Variants in PDE1A observed in about 807,000 individuals in gnomAD.
PDE1A encodes phosphodiesterase 1A, also known as dual specificity calcium/calmodulin-dependent 3',5'-cyclic nucleotide phosphodiesterase 1A.
A neutral mutation model predicts 61.7 loss-of-function variants in PDE1A; 35 were observed. The observed-to-expected ratio is 0.57, with a 90% CI of 0.43 to 0.75. The LOEUF is 0.75. Among genes scored for constraint, PDE1A ranks in the 30% least tolerant of loss-of-function variants. The pLI, the probability that PDE1A is intolerant of heterozygous loss-of-function variation, is 0.00. For synonymous variants in PDE1A, 232 were observed against 213.2 expected (o/e 1.09, Z -0.77); for missense variants, 597 against 630.6 (o/e 0.95, Z 0.57).
At chr2:182,676,457 A>G in the PDE1A span, among the ~76,000 whole-genome samples, 1 of 151,884 alleles carries the variant, frequency 6.6e-6, no homozygotes, top group Non-Finnish European at 1.5e-5. Flanking sequence ...GGCCAGTACC[A>G]GATGGATTCA....
At chr2:182,404,784 C>T (rs1254607047) in intron 1 of PDE1A, among the ~76,000 whole-genome samples, 2 of 152,274 alleles carry the variant, frequency 1.3e-5, no homozygotes, top group Admixed American at 6.5e-5. Flanking sequence ...GGCAATACCA[C>T]GCATGGAGCT....
At chr2:182,585,351 T>G in the PDE1A span, among the ~76,000 whole-genome samples, 3 of 152,240 alleles carry the variant, frequency 2.0e-5, no homozygotes, top group Admixed American at 2.0e-4. Context: ...TGGGAAATTT[T>G]TATTCTTCAA....
chr2:182,208,842 T>G (rs1687338266), intron 7 of PDE1A, among the ~76,000 whole-genome samples: 2 of 152,194 alleles, frequency 1.3e-5, no homozygotes. Context: ...ATTTCTCCCT[T>G]TCGGAATAGG....
At chr2:182,454,836 A>T (rs1035868249) in intron 2 of PDE1A, among the ~76,000 whole-genome samples, 8 of 151,338 alleles carry the variant, frequency 5.3e-5, no homozygotes. Flanking sequence ...CCTAGGCAAT[A>T]CGATTGAGGA....
the PDE1A span, among the ~76,000 whole-genome samples, chr2:182,689,404 T>G: frequency 6.6e-6 from 1 of 152,166 alleles, no homozygotes; most frequent in Non-Finnish European, 1.5e-5. Context: ...ACATGGAAAC[T>G]GAACACCCTG....
chr2:182,364,873 T>C (rs374372675), intron 1 of PDE1A, among the ~76,000 whole-genome samples: 17 of 152,146 alleles, frequency 1.1e-4, no homozygotes, highest in East Asian at 3.9e-4. Flanking sequence ...AGTTAACAAA[T>C]TGACATTTTC....
chr2:182,230,580 A>G (rs936118236), intron 5 of PDE1A, among the ~76,000 whole-genome samples: 4 of 152,190 alleles, frequency 2.6e-5, no homozygotes, highest in African/African-American at 9.6e-5. Context: ...ATAAGCTACA[A>G]TCTGCTCAGT....
chr2:182,364,479 A>AAAAAAAAAAAAAAAC (rs1699711769), intron 1 of PDE1A, among the ~76,000 whole-genome samples: 1 of 140,928 alleles, frequency 7.1e-6, no homozygotes, highest in Non-Finnish European at 1.6e-5. Context: ...AAAAAAAAAA[A>AAAAAAAAAAAAAAAC]AAAAAAAAAA....
At chr2:182,596,312 C>A in the PDE1A span, among the ~76,000 whole-genome samples, 1 of 152,114 alleles carries the variant, frequency 6.6e-6, no homozygotes, top group Non-Finnish European at 1.5e-5. Context: ...AAAGGGGAGT[C>A]CGAAGAGCAC....
exon 15 of PDE1A, chr2:182,141,423 T>C (rs190038950): frequency 6.6e-6 from 1 of 152,326 alleles, no homozygotes; most frequent in East Asian, 1.9e-4. Context: ...TATAGATCAA[T>C]CTTACTCCTT....
chr2:182,371,289 C>T lies in PDE1A; in HGVS notation c.53+55289G>A, dbSNP rs543242468. ...CATTAGTTTCTATTTAAGATCAAGG[C>T]CCTGCCAAATTTTGTTTTATTAACA... is the stretch of plus-strand genomic sequence containing the variant. On this transcript the variant is annotated intron_variant, in intron 1 of 13. Transcript: ENST00000351439. Among the ~76,000 whole-genome samples, 5 of 152,226 alleles carry T rather than the reference C, an allele frequency of 3.3e-5. No individual in the cohort carries two copies. The South Asian group carries it at 8.3e-4, about 25-fold the overall frequency.
intron 8 of PDE1A, among the ~76,000 whole-genome samples, chr2:182,203,324 A>AAAAC (rs1553535919): frequency 0.024 from 3,639 of 151,872 alleles, 39 homozygotes; most frequent in African/African-American, 0.03. Flanking sequence ...CGTCTGAAAA[A>AAAAC]AAAACAAAAC....
intron 10 of PDE1A, among the ~76,000 whole-genome samples, chr2:182,199,966 A>T (rs1156473554): frequency 6.6e-6 from 1 of 151,690 alleles, no homozygotes; most frequent in Non-Finnish European, 1.5e-5. Flanking sequence ...TCAAAATACC[A>T]CACATTATGT....
chr2:182,525,422 A>C (rs1178245637), upstream of PDE1A, among the ~76,000 whole-genome samples: 1 of 152,148 alleles, frequency 6.6e-6, no homozygotes, highest in Non-Finnish European at 1.5e-5. Flanking sequence ...TTTTCGTATT[A>C]AGGTTATATT....
At chr2:182,666,488 A>G in the PDE1A span, among the ~76,000 whole-genome samples, 1 of 151,898 alleles carries the variant, frequency 6.6e-6, no homozygotes, top group East Asian at 1.9e-4. Context: ...CATGCCTGTA[A>G]TCCCAGCTAC....
At chr2:182,625,595 AT>A in the PDE1A span, among the ~76,000 whole-genome samples, 2 of 152,330 alleles carry the variant, frequency 1.3e-5, no homozygotes, top group South Asian at 4.1e-4. Context: ...GGCTGAATGG[AT>A]GGATACAAGA....
At chr2:182,562,181 T>C in the PDE1A span, among the ~76,000 whole-genome samples, 1 of 152,182 alleles carries the variant, frequency 6.6e-6, no homozygotes, top group Non-Finnish European at 1.5e-5. Context: ...CAGTGTGATA[T>C]TGGCTGTGGG....
intron 7 of PDE1A, among the ~76,000 whole-genome samples, chr2:182,208,365 A>AG (rs1190198607): frequency 1.3e-5 from 2 of 152,132 alleles, no homozygotes; most frequent in Admixed American, 6.5e-5. Context: ...GAGAGAGTGC[A>AG]GGGGGGATGC....
intron 2 of PDE1A, among the ~76,000 whole-genome samples, chr2:182,516,597 G>A (rs974773527): frequency 1.3e-5 from 2 of 151,534 alleles, no homozygotes; most frequent in Non-Finnish European, 2.9e-5. Flanking sequence ...AGGCTGCAGT[G>A]AGCAGAGATC....
Sources: allele counts gnomAD v4.1 joint callset (sites outside exome capture counted in the v4.1 genomes callset), GRCh38; gene constraint gnomAD v4.1.1; transcripts MANE v1.5; gene names NCBI Gene and HGNC (gene_info 2026-07-23, HGNC 2026-07-21).